Variants in ADAMTS13 observed in about 807,000 individuals in gnomAD.
ADAMTS13 encodes the protein A disintegrin and metalloproteinase with thrombospondin motifs 13.
Under a neutral mutation model 155.1 loss-of-function variants are expected in ADAMTS13, and 110 were observed. The ratio of observed to expected loss-of-function variants is 0.71; its 90% confidence interval spans 0.61 to 0.83. The LOEUF is 0.83. Among genes scored for constraint, ADAMTS13 ranks in the 40% least tolerant of loss-of-function variants. The pLI is 0.00. For synonymous variants in ADAMTS13, 758 were observed against 756.4 expected (o/e 1.00, Z -0.03); for missense variants, 1,707 against 1,891.7 (o/e 0.90, Z 1.81).
rs1554792422 is a variant in ADAMTS13, at chr9:133,445,804, G to A, written c.2716G>A (p.Val906Ile). 1.2e-5 allele frequency: 19 copies of A among 1,584,976 alleles called. No individual in the cohort carries two copies. Among genetic ancestry groups the A allele is most frequent in the South Asian group, 7.9e-5 (7 of 89,166 alleles). Residue 906 changes from valine to isoleucine, a missense_variant, in exon 21 of 29, where the codon GTC becomes ATC. Transcript: ENST00000355699. The surrounding 1 kb of genome is among the most constrained non-coding windows in gnomAD (Gnocchi z 5.0). Reference protein sequence around the residue: ...VWTPAAGSCSVSCGRGLMELR... With the variant: ...VWTPAAGSCSISCGRGLMELR... ...GACCCCTGCGGCAGGGTCGTGCTCCGTCTCCTGCGGGCGAGGTGAGGGCCC... is the reference window on the plus strand; with the variant it reads ...GACCCCTGCGGCAGGGTCGTGCTCCATCTCCTGCGGGCGAGGTGAGGGCCC...
chr9:133,421,232 C>T (rs1180268970), upstream of ADAMTS13, among the ~76,000 whole-genome samples: 3 of 152,234 alleles, frequency 2.0e-5, no homozygotes, highest in Non-Finnish European at 4.4e-5. Flanking sequence ...TGCCACTGCA[C>T]TCCAGCCTGG....
rs782302228 is a variant in ADAMTS13 at position 133,459,297 on chromosome 9, A to G, written c.*117A>G. ...GGTATCTACTTTAGAGTCTTCTCCAATGTCCAAAAGGCTAGGGGGTTGGAG... is the reference window on the plus strand; with the variant it reads ...GGTATCTACTTTAGAGTCTTCTCCAGTGTCCAAAAGGCTAGGGGGTTGGAG... On this transcript the variant is annotated 3_prime_UTR_variant, in exon 29 of 29. Transcript: ENST00000355699. 51 of 1,078,636 alleles carry G rather than the reference A, an allele frequency of 4.7e-5. No individual in the cohort carries two copies. Among genetic ancestry groups the G allele is most frequent in the South Asian group, 1.9e-4 (14 of 73,944 alleles). 66.8% of individuals were successfully genotyped at this position (1,078,636 alleles called of 1,614,324 possible).
Position 133,456,478 on chromosome 9 carries a change from T to C in ADAMTS13, c.3548-65T>C. ...GACTTGAACTCGGCTCAGTCTACCC[T>C]GGAGCCACTCCTCTGCTGACCAGGC... On this transcript the variant is annotated intron_variant, in intron 26 of 28. Transcript: ENST00000355699. This position sits in a 1 kb window ranked among gnomAD's most constrained non-coding sequence, Gnocchi z 4.4. The C allele has an allele frequency of 6.3e-7, 1 of 1,581,590 alleles. No individual in the cohort carries two copies.
chr9:133,415,133 A>C, intron 1 of ADAMTS13: 3 of 729,924 alleles, frequency 4.1e-6, no homozygotes, highest in Non-Finnish European at 6.6e-6. Context: ...TACAATTCCC[A>C]TCCGCATCAC....
At chr9:133,451,888 C>G (rs1451719747) in intron 23 of ADAMTS13, among the ~76,000 whole-genome samples, 1 of 95,908 alleles carries the variant, frequency 1.0e-5, no homozygotes, top group Non-Finnish European at 2.0e-5. Context: ...GCATGAGACC[C>G]TGTCTCAAAA....
rs919909886 is a variant in ADAMTS13 at position 133,456,438 on chromosome 9, C to G, written c.3548-105C>G. 4.8e-6 allele frequency: 7 copies of G among 1,452,058 alleles called. No homozygotes were observed. In the African/African-American group the frequency reaches 8.4e-5, roughly 17 times the overall value. 89.9% of individuals were successfully genotyped at this position (1,452,058 alleles called of 1,614,324 possible). A position where few individuals can be genotyped will look rare whatever the true frequency, so the allele number is the denominator to read the frequency against. Reference sequence around the variant, plus strand: ...CAGTTACTTAGAGTCACATAGCCAGCAGTGGGAGAGGTGGGACTTGAACTC... The same window carrying G: ...CAGTTACTTAGAGTCACATAGCCAGGAGTGGGAGAGGTGGGACTTGAACTC... On this transcript the variant is annotated intron_variant, in intron 26 of 28. Coordinates refer to ENST00000355699, the MANE Select transcript of ADAMTS13 (RefSeq NM_139027.6). This position sits in a 1 kb window ranked among gnomAD's most constrained non-coding sequence, Gnocchi z 4.4.
chr9:133,433,107 G>A (rs1840894709), intron 9 of ADAMTS13, among the ~76,000 whole-genome samples: 1 of 141,962 alleles, frequency 7.0e-6, no homozygotes, highest in African/African-American at 2.6e-5. Context: ...TATGTTGGGG[G>A]GTCTCTGGGT....
At chr9:133,446,739 T>C (rs1179961279) in intron 21 of ADAMTS13, among the ~76,000 whole-genome samples, 1 of 152,242 alleles carries the variant, frequency 6.6e-6, no homozygotes, top group Non-Finnish European at 1.5e-5. Flanking sequence ...TTAATTTTTG[T>C]GGAACTGCTG....
rs1224353016 is a variant in ADAMTS13 at position 133,446,567 on chromosome 9, A to AT, written c.2731+751dup. 2.0e-5 allele frequency among the ~76,000 whole-genome samples: 3 copies of AT among 152,216 alleles called. No homozygotes were observed. The South Asian group carries it at 6.2e-4, about 31-fold the overall frequency. On this transcript the variant is annotated intron_variant, in intron 21 of 28. Transcript: ENST00000355699. Reference sequence around the variant, plus strand: ...GAGTGTATCCTTTACAGGTTTATCCATTTATTCATCAGTGGACACTTGGCT... The same window carrying AT: ...GAGTGTATCCTTTACAGGTTTATCCATTTTATTCATCAGTGGACACTTGGCT...
rs1644477530 is a variant in ADAMTS13 at position 133,456,065 on chromosome 9, T to A, written c.3401-4T>A. ...TGCTTACCTGTCTCCTGCTCCCTTTTCAGGTGCCTGTGGCAGGCAGCACCT... is the reference window on the plus strand; with the variant it reads ...TGCTTACCTGTCTCCTGCTCCCTTTACAGGTGCCTGTGGCAGGCAGCACCT... On this transcript the variant is annotated splice_polypyrimidine_tract_variant and splice_region_variant and intron_variant, in intron 25 of 28. Coordinates refer to ENST00000355699, the MANE Select transcript of ADAMTS13 (RefSeq NM_139027.6). The surrounding 1 kb of genome is among the most constrained non-coding windows in gnomAD (Gnocchi z 4.4). The A allele has an allele frequency of 6.2e-7, 1 of 1,613,272 alleles. No individual in the cohort carries two copies.
At chr9:133,421,767 G>A (rs1242951809), upstream of ADAMTS13, among the ~76,000 whole-genome samples, 2 of 152,190 alleles carry the variant, frequency 1.3e-5, no homozygotes, top group South Asian at 4.1e-4. Context: ...CAGAGGAGGA[G>A]AGAGGCTGCA....
chr9:133,453,947 G>A lies in ADAMTS13; in HGVS notation c.3045-468G>A, dbSNP rs185190630. On this transcript the variant is annotated intron_variant, in intron 23 of 28. Coordinates refer to ENST00000355699, the MANE Select transcript of ADAMTS13 (RefSeq NM_139027.6). Reference sequence around the variant, plus strand: ...GCTCCCTTGCAGGCTGCCTGGGTTTGTGTCTGGGCTCTGAAGAATGCGGGC... The same window carrying A: ...GCTCCCTTGCAGGCTGCCTGGGTTTATGTCTGGGCTCTGAAGAATGCGGGC... Among the ~76,000 whole-genome samples the A allele has an allele frequency of 2.4e-4, 36 of 152,182 alleles. No homozygotes were observed. The East Asian group carries it at 6.2e-3, about 26-fold the overall frequency.
upstream of ADAMTS13, among the ~76,000 whole-genome samples, chr9:133,420,263 A>C (rs1839902003): frequency 6.7e-6 from 1 of 150,184 alleles, no homozygotes; most frequent in Non-Finnish European, 1.5e-5. Flanking sequence ...CTGATCTCGA[A>C]CTCCTGACCT....
chr9:133,425,675 C>A lies in ADAMTS13; in HGVS notation c.414+63C>A. ...CGGGAAGCCCAAGTCATCGCATCTC[C>A]ATCCTCTTTAACCTCTTGTCCCGGA... On this transcript the variant is annotated intron_variant, in intron 4 of 28. Coordinates refer to ENST00000355699, the MANE Select transcript of ADAMTS13 (RefSeq NM_139027.6). The surrounding 1 kb of genome is among the most constrained non-coding windows in gnomAD (Gnocchi z 4.6). 2 of 1,550,432 alleles carry A rather than the reference C, an allele frequency of 1.3e-6. No homozygotes were observed. Among genetic ancestry groups the A allele is most frequent in the Non-Finnish European group, 1.8e-6 (2 of 1,134,768 alleles).
intron 23 of ADAMTS13, among the ~76,000 whole-genome samples, chr9:133,450,752 AAACAAAAC>A (rs1554794135): frequency 6.6e-6 from 1 of 152,198 alleles, no homozygotes; most frequent in African/African-American, 2.4e-5. Context: ...TCCGTCTCAA[AAACAAAAC>A]AACAAAACAA....
intron 22 of ADAMTS13, 33 bp from the exon 23 acceptor site, chr9:133,449,750 C>T (rs782059506): frequency 1.2e-6 from 2 of 1,612,508 alleles, no homozygotes; most frequent in South Asian, 1.1e-5. Flanking sequence ...GGCCCTGGGG[C>T]TGTTTGGGGT....
At chr9:133,443,605 A>G in intron 19 of ADAMTS13, 44 bp downstream of exon 19, 2 of 1,504,502 alleles carry the variant, frequency 1.3e-6, no homozygotes, top group Non-Finnish European at 1.8e-6. Context: ...CCTTCCTGGC[A>G]GAGCTCGTCC....
chr9:133,424,556 T>C lies in ADAMTS13; in HGVS notation c.330+78T>C. On this transcript the variant is annotated intron_variant, in intron 3 of 28. Transcript: ENST00000355699. The surrounding 1 kb of genome is among the most constrained non-coding windows in gnomAD (Gnocchi z 4.3). ...AATGTCTGTGGGCTGGTGTATCTGGTAGTCTGAATACAGTGGGTTAAACTC... is the reference window on the plus strand; with the variant it reads ...AATGTCTGTGGGCTGGTGTATCTGGCAGTCTGAATACAGTGGGTTAAACTC... 20 of 1,551,036 alleles carry C rather than the reference T, an allele frequency of 1.3e-5. No individual in the cohort carries two copies. Among genetic ancestry groups the C allele is most frequent in the Non-Finnish European group, 1.6e-5 (18 of 1,145,444 alleles).
chr9:133,435,620 C>T (rs980222739), intron 11 of ADAMTS13, among the ~76,000 whole-genome samples: 6 of 151,770 alleles, frequency 4.0e-5, no homozygotes, highest in African/African-American at 7.3e-5. Flanking sequence ...AGCTCCGCCT[C>T]CCAGGTTCAC....
Sources: allele counts gnomAD v4.1 joint callset (sites outside exome capture counted in the v4.1 genomes callset), GRCh38; gene constraint gnomAD v4.1.1; non-coding constraint Gnocchi (gnomAD v3.1); transcripts MANE v1.5; gene names NCBI Gene and HGNC (gene_info 2026-07-23, HGNC 2026-07-21).